The following ACCS variants were observed in gnomAD, a reference collection of about 807,000 sequenced individuals.
The protein encoded by ACCS is 1-aminocyclopropane-1-carboxylate synthase homolog (inactive).
Under a neutral mutation model 59.8 loss-of-function variants are expected in ACCS, and 42 were observed. The ratio of observed to expected loss-of-function variants is 0.70; its 90% CI spans 0.55 to 0.91. The LOEUF (loss-of-function observed/expected upper bound fraction) is 0.91, where lower values mean the gene tolerates loss of function less well. Among genes scored for constraint, ACCS ranks in the 40% least tolerant of loss-of-function variants. ACCS has a pLI of 0.00. For missense variants in ACCS, 602 were observed against 630.4 expected (o/e 0.95, Z 0.48); for synonymous variants, 230 against 240.3 (o/e 0.96, Z 0.40).
At position 44,075,443 on chromosome 11, in the gene ACCS, C is replaced by T. The variant is rs567073318; in HGVS notation, c.490-83C>T. 5 of 1,477,952 alleles carry T rather than the reference C, an allele frequency of 3.4e-6. No individual in the cohort carries two copies. The South Asian group carries it at 5.8e-5, about 17-fold the overall frequency. The allele number at this position is 1,477,952 out of a possible 1,614,324, so 91.6% of individuals were successfully genotyped here. A position where few individuals can be genotyped will look rare whatever the true frequency, so the allele number is the denominator to read the frequency against. On this transcript the variant is annotated intron_variant, in intron 5 of 14. Transcript: ENST00000263776. The stretch of plus-strand genomic sequence containing the variant: ...GCACCAAGGCAGGGCCTGGCGCTCA[C>T]TCTGTGCTGTCCTGGGAGGCTGCGG...
In ACCS at chr11:44,078,876, C is replaced by T. The variant is rs138600214; in HGVS notation, c.833+92C>T. Reference sequence around the variant, plus strand: ...GCAGGTTTTTCTACTCTCTTGACCCCACTGTGGGCTGCTACTTGCTTGGGC... The same window carrying T: ...GCAGGTTTTTCTACTCTCTTGACCCTACTGTGGGCTGCTACTTGCTTGGGC... On this transcript the variant is annotated intron_variant, in intron 9 of 14. Coordinates refer to ENST00000263776, the MANE Select transcript of ACCS (RefSeq NM_032592.4). The T allele has an allele frequency of 5.4e-4, 571 of 1,057,900 alleles. 3 individuals carry two copies. The African/African-American group carries it at 8.2e-3, about 15-fold the overall frequency. The allele number at this position is 1,057,900 out of a possible 1,614,324, so 65.5% of individuals were successfully genotyped here.
chr11:44,071,472 T>C (rs1483503134), intron 3 of ACCS, 157 bp downstream of exon 3: 1 of 685,104 alleles, frequency 1.5e-6, no homozygotes, highest in African/African-American at 1.8e-5. Flanking sequence ...GTTTTCTGTG[T>C]GATCTTAGGT....
At chr11:44,067,414 G>A in intron 1 of ACCS, 1 of 534,236 alleles carries the variant, frequency 1.9e-6, no homozygotes, top group Non-Finnish European at 3.3e-6. Context: ...TGTGGCAAGT[G>A]CAGTCCCTGG....
At chr11:44,074,514 A>T in intron 4 of ACCS, 98 bp from the exon 5 acceptor site, 2 of 905,344 alleles carry the variant, frequency 2.2e-6, no homozygotes, top group Non-Finnish European at 3.7e-6. Context: ...ATTAGGGAAG[A>T]GTGATGGCAG....
At chr11:44,081,571 C>T (rs1953643420) in intron 12 of ACCS, among the ~76,000 whole-genome samples, 1 of 152,204 alleles carries the variant, frequency 6.6e-6, no homozygotes, top group African/African-American at 2.4e-5. Flanking sequence ...GGTACCTGTC[C>T]TGTAACAGGT....
intron 5 of ACCS, 88 bp downstream of exon 5, chr11:44,074,769 T>C (rs1953255845): frequency 4.5e-6 from 2 of 447,532 alleles, no homozygotes; most frequent in South Asian, 8.0e-5. Flanking sequence ...TCTTTCTTTC[T>C]TTCTTTTTCT....
chr11:44,080,206 G>A lies in ACCS; in HGVS notation c.923+586G>A, dbSNP rs150658473. Among the ~76,000 whole-genome samples the A allele has an allele frequency of 7.0e-3, 1,064 of 152,294 alleles. 8 individuals carry two copies. Among genetic ancestry groups the A allele is most frequent in the African/African-American group, 0.024 (982 of 41,556 alleles). On this transcript the variant is annotated intron_variant, in intron 10 of 14. Coordinates refer to ENST00000263776, the MANE Select transcript of ACCS (RefSeq NM_032592.4). ...TTGAGACCATCCTGGGCAACATAGT[G>A]AGACTCTGTTTCTACGGGAAAGAAA...
At chr11:44,079,990 CAG>C (rs1953563698) in intron 10 of ACCS, among the ~76,000 whole-genome samples, 1 of 152,228 alleles carries the variant, frequency 6.6e-6, no homozygotes, top group Admixed American at 6.5e-5. Flanking sequence ...CCCTTACACA[CAG>C]AGTGTGCCAA....
intron 2 of ACCS, among the ~76,000 whole-genome samples, chr11:44,070,216 A>T (rs1308792574): frequency 6.6e-6 from 1 of 152,120 alleles, no homozygotes; most frequent in Admixed American, 6.6e-5. Context: ...GTGTGGTCTG[A>T]ATTTGGGTTT....
intron 6 of ACCS, among the ~76,000 whole-genome samples, chr11:44,076,175 G>C (rs1453968304): frequency 6.6e-6 from 1 of 152,194 alleles, no homozygotes; most frequent in Non-Finnish European, 1.5e-5. Context: ...CTGTTGAGTG[G>C]GCAGCCAGCC....
chr11:44,078,866 C>A, intron 9 of ACCS, 82 bp downstream of exon 9: 1 of 1,185,522 alleles, frequency 8.4e-7, no homozygotes, highest in Non-Finnish European at 1.2e-6. Context: ...TTTTTCTACT[C>A]TCTTGACCCC....
chr11:44,077,036 G>A (rs763060928), intron 6 of ACCS, among the ~76,000 whole-genome samples: 8 of 152,142 alleles, frequency 5.3e-5, no homozygotes, highest in Admixed American at 3.3e-4. Context: ...CTCCTATGAC[G>A]CAGGGGAATT....
chr11:44,083,794 C>T lies in ACCS; in HGVS notation c.*2C>T, dbSNP rs756310099. On this transcript the variant is annotated 3_prime_UTR_variant, in exon 15 of 15. Coordinates refer to ENST00000263776, the MANE Select transcript of ACCS (RefSeq NM_032592.4). ...GAGCCAAGTGACCAACGCAGGTGAGCTGGTCATTGTCTCGTGGCCAGAGGG... is the reference window on the plus strand; with the variant it reads ...GAGCCAAGTGACCAACGCAGGTGAGTTGGTCATTGTCTCGTGGCCAGAGGG... The T allele has an allele frequency of 2.5e-6, 4 of 1,604,534 alleles. No homozygotes were observed. The highest frequency in any genetic ancestry group is 1.1e-5 in the South Asian group (1 of 89,386).
rs747774147 is a variant in ACCS, at chr11:44,081,214, G to A, written c.1005G>A (p.Leu335=). 2 of 1,614,248 alleles carry A rather than the reference G, an allele frequency of 1.2e-6. No individual in the cohort carries two copies. The highest frequency in any genetic ancestry group is 8.5e-7 in the Non-Finnish European group (1 of 1,180,046). ...FGMSGLRFGT[L]YTENQDVATA... The stretch of plus-strand genomic sequence containing the variant: ...TGTCTGGGCTCCGCTTTGGCACGCT[G>A]TACACAGAAAACCAGGATGTGGCCA... Residue 335 remains leucine, a synonymous_variant, in exon 12 of 15, where the codon CTG becomes CTA. Coordinates refer to ENST00000263776, the MANE Select transcript of ACCS (RefSeq NM_032592.4).
At chr11:44,077,215 T>C in intron 6 of ACCS, 64 bp from the exon 7 acceptor site, 1 of 1,544,724 alleles carries the variant, frequency 6.5e-7, no homozygotes, top group Non-Finnish European at 8.8e-7. Flanking sequence ...CTGGGGACAG[T>C]GGACAGAGGG....
At chr11:44,074,734 C>CTCTCTCTTTCTTTCTTTCTTTCTTTCTT (rs879192765) in intron 5 of ACCS, 53 bp downstream of exon 5, 4 of 548,372 alleles carry the variant, frequency 7.3e-6, no homozygotes, top group Admixed American at 5.2e-5. Context: ...CCCTCTCCAT[C>CTCTCTCTTTCTTTCTTTCTTTCTTTCTT]TCTTTCTTTC....
chr11:44,079,572 C>G lies in ACCS; in HGVS notation c.875C>G (p.Ser292Cys), dbSNP rs745801147. 1.2e-6 allele frequency: 2 copies of G among 1,612,398 alleles called. No individual in the cohort carries two copies. The highest frequency in any genetic ancestry group is 2.2e-5 in the East Asian group (1 of 44,878). ...HVIVDEVYMLSVFEKSVGYRS... is the reference protein window; with the variant it reads ...HVIVDEVYMLCVFEKSVGYRS... ...ATTGTGGATGAGGTCTACATGCTGTCCGTGTTTGAGAAGTCTGTTGGGTAC... is the reference window on the plus strand; with the variant it reads ...ATTGTGGATGAGGTCTACATGCTGTGCGTGTTTGAGAAGTCTGTTGGGTAC... The change falls in exon 10 of 15, where the codon TCC (serine) becomes TGC (cysteine). Residue 292 changes from serine (S) to cysteine (C), a missense_variant. Physicochemically the swap from Ser to Cys is moderately radical, Grantham distance 112 (BLOSUM62 -1). Transcript: ENST00000263776.
intron 6 of ACCS, 62 bp downstream of exon 6, chr11:44,075,654 T>A (rs1953324403): frequency 6.3e-7 from 1 of 1,576,434 alleles, no homozygotes; most frequent in South Asian, 1.1e-5. Context: ...GGGTTCCCAG[T>A]TGCCTGGCCT....
intron 12 of ACCS, chr11:44,082,271 A>C (rs1953674391): frequency 6.6e-6 from 1 of 152,222 alleles, no homozygotes; most frequent in Admixed American, 6.5e-5. Context: ...GTGATTCAAC[A>C]ATCCTACTCC....
Sources: gnomAD v4.1 joint callset for allele counts (sites outside exome capture counted in the v4.1 genomes callset) on GRCh38, gnomAD v4.1.1 for gene constraint, MANE v1.5 for transcripts, NCBI Gene and HGNC (gene_info 2026-07-23, HGNC 2026-07-21) for gene names.